MARCHF11: variants seen among roughly 807,000 people sequenced by gnomAD.
MARCHF11 encodes E3 ubiquitin-protein ligase MARCHF11.
Under a neutral mutation model 37.3 loss-of-function variants are expected in MARCHF11, and 29 were observed. The observed-to-expected ratio is 0.78, with a 90% confidence interval of 0.58 to 1.06. MARCHF11 has a LOEUF of 1.06. Among genes scored for constraint, MARCHF11 ranks in the 50% least tolerant of loss-of-function variants. The pLI, the probability that MARCHF11 is intolerant of heterozygous loss-of-function variation, is 0.00. For synonymous variants in MARCHF11, 233 were observed against 228.0 expected, an observed-to-expected ratio of 1.02 and a Z score of -0.20; for missense variants, 482 against 533.4, an observed-to-expected ratio of 0.90 and a Z score of 0.95.
intron 2 of MARCHF11, among the ~76,000 whole-genome samples, chr5:16,106,328 G>A (rs1737039140): frequency 6.6e-6 from 1 of 152,150 alleles, no homozygotes; most frequent in African/African-American, 2.4e-5. Context: ...CAATCTGATA[G>A]CTCTATCTAC....
chr5:16,090,088 C>T (rs1736767237), intron 3 of MARCHF11, among the ~76,000 whole-genome samples: 1 of 152,164 alleles, frequency 6.6e-6, no homozygotes, highest in African/African-American at 2.4e-5. Context: ...GGAGCCTGTG[C>T]ATTTCTGCCA....
intron 2 of MARCHF11, among the ~76,000 whole-genome samples, chr5:16,123,740 C>CAAT (rs1737352354): frequency 1.4e-5 from 2 of 139,844 alleles, no homozygotes; most frequent in African/African-American, 5.6e-5. Flanking sequence ...GCAGCATCTC[C>CAAT]GATCATCATA....
At position 16,179,554 on chromosome 5, in the gene MARCHF11, C is replaced by T. The variant is rs1184659133; in HGVS notation, c.22G>A (p.Gly8Ser). Residue 8 changes from glycine (G) to serine (S), a missense_variant, in exon 1 of 4, where the codon GGC becomes AGC. Physicochemically the swap from Gly to Ser is moderately conservative, Grantham distance 56. Coordinates refer to ENST00000332432, the MANE Select transcript of MARCHF11 (RefSeq NM_001102562.3). Reference protein sequence around the residue: MSFEGGHGGSRCRGAESG... With the variant: MSFEGGHSGSRCRGAESG... The stretch of plus-strand genomic sequence containing the variant: ...TCCGCCCCGCGACACCGACTGCCGC[C>T]GTGGCCGCCCTCAAAGCTCATGGTT... 2 of 1,183,616 alleles carry T rather than the reference C, an allele frequency of 1.7e-6. No homozygotes were observed. 73.3% of individuals were successfully genotyped at this position (1,183,616 alleles called of 1,614,324 possible).
At chr5:16,158,449 T>C (rs1041820219) in intron 2 of MARCHF11, among the ~76,000 whole-genome samples, 1 of 151,840 alleles carries the variant, frequency 6.6e-6, no homozygotes, top group Non-Finnish European at 1.5e-5. Context: ...CAACAACATG[T>C]ATGAACCTGA....
At chr5:16,090,171 G>A (rs1314560786) in intron 3 of MARCHF11, among the ~76,000 whole-genome samples, 3 of 152,054 alleles carry the variant, frequency 2.0e-5, no homozygotes, top group Non-Finnish European at 4.4e-5. Context: ...ACCCCTCGCC[G>A]ACTGGTCACC....
At chr5:16,163,362 T>C (rs1738117789) in intron 2 of MARCHF11, among the ~76,000 whole-genome samples, 1 of 151,714 alleles carries the variant, frequency 6.6e-6, no homozygotes, top group Non-Finnish European at 1.5e-5. Flanking sequence ...TCACAGCAAT[T>C]CCATCTAGGG....
Position 16,179,090 on chromosome 5 carries a change from C to T in MARCHF11, c.486G>A (p.Gln162=). 2.0e-6 allele frequency: 3 copies of T among 1,496,232 alleles called. No individual in the cohort carries two copies. Among genetic ancestry groups the T allele is most frequent in the Non-Finnish European group, 2.7e-6 (3 of 1,129,344 alleles). 92.7% of individuals were successfully genotyped at this position (1,496,232 alleles called of 1,614,324 possible). Residue 162 remains glutamine (Q), a synonymous_variant, in exon 1 of 4, where the codon CAG becomes CAA. Transcript: ENST00000332432. ...TGCAGATGGGCTGGTGGTGCTGGTG[C>T]TGGTGCCCAGCGCGCTGGTCGCCGC... ...SGGGDQRAGH[Q]HQHHQPICKI...
At chr5:16,117,122 G>C (rs1737237552) in intron 2 of MARCHF11, among the ~76,000 whole-genome samples, 1 of 152,282 alleles carries the variant, frequency 6.6e-6, no homozygotes, top group African/African-American at 2.4e-5. Flanking sequence ...TTAGCAAGAA[G>C]AGGAAGAGAA....
In MARCHF11 at chr5:16,177,900, AG is replaced by A; in HGVS notation, c.538-20del. 1 of 1,596,058 alleles carries A rather than the reference AG, an allele frequency of 6.3e-7. No individual in the cohort carries two copies. Among genetic ancestry groups the A allele is most frequent in the East Asian group, 2.2e-5 (1 of 44,474 alleles). Reference sequence around the variant, plus strand: ...ACTCACCCTAAAAAGAAAACAGCTCAGTGTGAATATCTGTGTCTGTGTCTCT... The same window carrying A: ...ACTCACCCTAAAAAGAAAACAGCTCATGTGAATATCTGTGTCTGTGTCTCT... On this transcript the variant is annotated intron_variant, in intron 1 of 3. Coordinates refer to ENST00000332432, the MANE Select transcript of MARCHF11 (RefSeq NM_001102562.3).
Position 16,179,127 on chromosome 5 carries a change from C to T in MARCHF11, c.449G>A (p.Ser150Asn). 1 of 1,490,248 alleles carries T rather than the reference C, an allele frequency of 6.7e-7. No individual in the cohort carries two copies. Among genetic ancestry groups the T allele is most frequent in the Non-Finnish European group, 8.9e-7 (1 of 1,126,976 alleles). 92.3% of individuals were successfully genotyped at this position (1,490,248 alleles called of 1,614,324 possible). A position where few individuals can be genotyped will look rare whatever the true frequency, so the allele number is the denominator to read the frequency against. ...ETRSVCSSRS[S>N]SSGGGDQRAG... ...GCGCTGGTCGCCGCCGCCACTGCTG[C>T]TGCTGCGGCTGCTGCACACCGAGCG... Residue 150 changes from serine (S) to asparagine (N), a missense_variant, in exon 1 of 4, where the codon AGC becomes AAC. Physicochemically the swap from Ser to Asn is conservative, Grantham distance 46. Coordinates refer to ENST00000332432, the MANE Select transcript of MARCHF11 (RefSeq NM_001102562.3).
At chr5:16,166,574 A>G (rs1738171666) in intron 2 of MARCHF11, among the ~76,000 whole-genome samples, 1 of 151,916 alleles carries the variant, frequency 6.6e-6, no homozygotes, top group Admixed American at 6.6e-5. Context: ...TTACAAATAC[A>G]TATAGAAATT....
At position 16,165,232 on chromosome 5, in the gene MARCHF11, C is replaced by T. The variant is rs142278617; in HGVS notation, c.693+12494G>A. On this transcript the variant is annotated intron_variant, in intron 2 of 3. Transcript: ENST00000332432. The stretch of plus-strand genomic sequence containing the variant: ...CGCTTCTACCTGTTCTTGGCCTTCC[C>T]TACATTATTTTTGTTTGTTTGAAGA... 1.5e-3 allele frequency among the ~76,000 whole-genome samples: 224 copies of T among 152,158 alleles called. 1 individual carries two copies. The highest frequency in any genetic ancestry group is 4.9e-3 in the African/African-American group (204 of 41,536).
rs80098392 is a variant in MARCHF11, at chr5:16,089,715, G to A, written c.886+1174C>T. On this transcript the variant is annotated intron_variant, in intron 3 of 3. Coordinates refer to ENST00000332432, the MANE Select transcript of MARCHF11 (RefSeq NM_001102562.3). ...TCAAATTAAAGCTCTAGTAAGTAGA[G>A]GCATTAAGTTGAAGTGATCTCAAAG... 1.6e-4 allele frequency among the ~76,000 whole-genome samples: 25 copies of A among 152,166 alleles called. No homozygotes were observed. In the East Asian group the frequency reaches 4.6e-3, roughly 28 times the overall value.
At chr5:16,123,119 T>G (rs1282673526) in intron 2 of MARCHF11, among the ~76,000 whole-genome samples, 1 of 152,180 alleles carries the variant, frequency 6.6e-6, no homozygotes, top group African/African-American at 2.4e-5. Context: ...TCTGTTCAAT[T>G]TATTGCCCGC....
chr5:16,135,542 G>C (rs748691335), intron 2 of MARCHF11, among the ~76,000 whole-genome samples: 1 of 152,020 alleles, frequency 6.6e-6, no homozygotes, highest in African/African-American at 2.4e-5. Context: ...AAAAAGAAAG[G>C]CTCAAAGAAA....
intron 2 of MARCHF11, among the ~76,000 whole-genome samples, chr5:16,164,488 C>G (rs1383355577): frequency 1.3e-5 from 2 of 152,004 alleles, no homozygotes; most frequent in Non-Finnish European, 2.9e-5. Flanking sequence ...GTCTCTTACC[C>G]AAAACACTTT....
intron 2 of MARCHF11, among the ~76,000 whole-genome samples, chr5:16,118,905 G>A (rs771217426): frequency 5.9e-5 from 9 of 152,182 alleles, no homozygotes; most frequent in Admixed American, 3.3e-4. Flanking sequence ...CTTTTAAGGA[G>A]AGTGGCTGGG....
intron 3 of MARCHF11, among the ~76,000 whole-genome samples, chr5:16,068,193 T>C (rs1430860155): frequency 1.3e-5 from 2 of 152,192 alleles, no homozygotes; most frequent in Non-Finnish European, 2.9e-5. Context: ...GCAGTTTAGT[T>C]TGAGAAAGAG....
intron 2 of MARCHF11, among the ~76,000 whole-genome samples, chr5:16,165,063 TCAAA>T (rs1307975218): frequency 2.6e-5 from 4 of 152,194 alleles, no homozygotes; most frequent in East Asian, 3.9e-4. Context: ...TTTTATTCCC[TCAAA>T]CACTCAGTCC....
Sources: gnomAD v4.1 joint callset for allele counts (sites outside exome capture counted in the v4.1 genomes callset) on GRCh38, gnomAD v4.1.1 for gene constraint, MANE v1.5 for transcripts, NCBI Gene and HGNC (gene_info 2026-07-23, HGNC 2026-07-21) for gene names.